Variants in NUB1 observed in about 807,000 individuals in gnomAD.
NUB1 encodes the protein NEDD8 ultimate buster 1.
In NUB1, 41 loss-of-function variants were observed where a neutral mutation model predicts 77.1. That is an observed-to-expected ratio of 0.53 (90% CI 0.41 to 0.69). NUB1 has a LOEUF of 0.69. NUB1 is among the 30% of genes least tolerant of loss of function. The pLI, the probability that NUB1 is intolerant of heterozygous loss-of-function variation, is 0.00. For synonymous variants in NUB1, 257 were observed against 281.0 expected (o/e 0.91, Z 0.85); for missense variants, 643 against 743.8 (o/e 0.86, Z 1.58).
At chr7:151,366,200 G>A (rs1321405527) in intron 8 of NUB1, among the ~76,000 whole-genome samples, 4 of 152,124 alleles carry the variant, frequency 2.6e-5, no homozygotes, top group Admixed American at 2.0e-4. Context: ...GCTGCGCCTG[G>A]GTTCAGCCTG....
intron 11 of NUB1, among the ~76,000 whole-genome samples, chr7:151,371,845 A>G (rs192334436): frequency 1.4e-4 from 21 of 152,232 alleles, no homozygotes; most frequent in African/African-American, 2.4e-4. Flanking sequence ...CCGGGCTCCA[A>G]TGATCCTCCT....
At chr7:151,348,553 T>TGTGATAAATGTTTTC (rs1796613207) in intron 2 of NUB1, among the ~76,000 whole-genome samples, 1 of 145,780 alleles carries the variant, frequency 6.9e-6, no homozygotes, top group Non-Finnish European at 1.5e-5. Flanking sequence ...TAAATGTTTT[T>TGTGATAAATGTTTTC]GTTTTTTGCT....
intron 13 of NUB1, 79 bp from the exon 14 acceptor site, chr7:151,376,555 G>A: frequency 7.4e-7 from 1 of 1,350,488 alleles, no homozygotes. Context: ...ATGAGAGTCG[G>A]CTGTCCACTC....
chr7:151,348,568 G>GTTTTTTT (rs1796616001), intron 2 of NUB1, among the ~76,000 whole-genome samples: 1 of 58,182 alleles, frequency 1.7e-5, no homozygotes, highest in Non-Finnish European at 3.6e-5. Context: ...TTTGCTTTTT[G>GTTTTTTT]CTTTTTTTTT....
chr7:151,351,230 C>G (rs963266263), intron 3 of NUB1, 194 bp from the exon 4 acceptor site: 6 of 565,168 alleles, frequency 1.1e-5, no homozygotes, highest in Admixed American at 6.7e-5. Context: ...CGCTGCCGCC[C>G]CCTTGAGGAC....
chr7:151,352,231 T>C, intron 4 of NUB1: 1 of 454,440 alleles, frequency 2.2e-6, no homozygotes, highest in Non-Finnish European at 4.4e-6. Flanking sequence ...AACTAGGGCT[T>C]CCTGTTCACA....
chr7:151,348,569 CT>C lies in NUB1; in HGVS notation c.118-480del, dbSNP rs59781719. Among the ~76,000 whole-genome samples, 491 of 69,906 alleles carry C rather than the reference CT, an allele frequency of 7.0e-3. 1 individual carries two copies. Among genetic ancestry groups the C allele is most frequent in the African/African-American group, 0.026 (442 of 16,886 alleles). The allele number at this position is 69,906 out of a possible 152,430, so 45.9% of individuals were successfully genotyped here. ...AAATGTTTTTGTTTTTTGCTTTTTG[CT>C]TTTTTTTTTTTTTTTTTTTTTTTGA... On this transcript the variant is annotated intron_variant, in intron 2 of 14. Transcript: ENST00000568733.
chr7:151,358,380 A>C (rs931834860), intron 7 of NUB1, among the ~76,000 whole-genome samples: 1 of 152,224 alleles, frequency 6.6e-6, no homozygotes, highest in Non-Finnish European at 1.5e-5. Context: ...CCCACCCCAC[A>C]GGCTGCAGAT....
At chr7:151,373,505 G>A (rs970315425) in intron 11 of NUB1, among the ~76,000 whole-genome samples, 1 of 152,180 alleles carries the variant, frequency 6.6e-6, no homozygotes, top group Non-Finnish European at 1.5e-5. Flanking sequence ...GAACCAAGAG[G>A]TTAGATGACC....
At chr7:151,357,081 A>G (rs1434193417) in intron 7 of NUB1, among the ~76,000 whole-genome samples, 1 of 151,824 alleles carries the variant, frequency 6.6e-6, no homozygotes, top group Non-Finnish European at 1.5e-5. Context: ...CAGTGGCACC[A>G]TCATAGCTCA....
intron 14 of NUB1, 79 bp from the exon 15 acceptor site, chr7:151,376,968 C>G: frequency 1.4e-6 from 2 of 1,424,744 alleles, no homozygotes; most frequent in Non-Finnish European, 1.9e-6. Context: ...GAGGCACAGT[C>G]TGAGGTTGAC....
At chr7:151,345,806 C>T (rs1356162553) in intron 2 of NUB1, among the ~76,000 whole-genome samples, 1 of 152,184 alleles carries the variant, frequency 6.6e-6, no homozygotes, top group East Asian at 1.9e-4. Context: ...TGTCTTGGCT[C>T]ATTCTCGGTC....
chr7:151,343,699 G>A (rs984907734), intron 1 of NUB1, among the ~76,000 whole-genome samples: 7 of 152,078 alleles, frequency 4.6e-5, no homozygotes, highest in Admixed American at 4.6e-4. Context: ...TACTTCTCTG[G>A]GAGAGAGAAG....
intron 2 of NUB1, among the ~76,000 whole-genome samples, chr7:151,347,633 T>C (rs1393170369): frequency 6.6e-6 from 1 of 152,136 alleles, no homozygotes; most frequent in Non-Finnish European, 1.5e-5. Context: ...AATATATTTT[T>C]AGTTTTTGTA....
At chr7:151,357,305 G>A (rs1797122332) in intron 7 of NUB1, among the ~76,000 whole-genome samples, 1 of 151,476 alleles carries the variant, frequency 6.6e-6, no homozygotes, top group South Asian at 2.1e-4. Context: ...TGTATTTTTA[G>A]TGGAGACAGG....
At chr7:151,375,306 G>T (rs972338429) in intron 12 of NUB1, among the ~76,000 whole-genome samples, 2 of 152,042 alleles carry the variant, frequency 1.3e-5, no homozygotes, top group African/African-American at 4.8e-5. Flanking sequence ...CTGAATATTC[G>T]AAGGGACTGA....
At chr7:151,364,161 G>T (rs10224319) in intron 8 of NUB1, among the ~76,000 whole-genome samples, 3 of 149,740 alleles carry the variant, frequency 2.0e-5, no homozygotes, top group Admixed American at 6.6e-5. Flanking sequence ...GGTGGCTCAC[G>T]CCTGTAATCC....
intron 8 of NUB1, among the ~76,000 whole-genome samples, chr7:151,366,378 A>AT (rs1283794200): frequency 8.6e-5 from 13 of 151,924 alleles, no homozygotes; most frequent in Non-Finnish European, 1.5e-4. Flanking sequence ...GTACGTAGGG[A>AT]TTTTTTTGGT....
chr7:151,368,673 A>G (rs1239238689), intron 10 of NUB1, 62 bp from the exon 11 acceptor site: 59 of 1,488,700 alleles, frequency 4.0e-5, no homozygotes, highest in Non-Finnish European at 5.1e-5. Flanking sequence ...TTAGGCTTTC[A>G]CTTTGTATTA....
Sources: gnomAD v4.1 joint callset for allele counts (sites outside exome capture counted in the v4.1 genomes callset) on GRCh38, gnomAD v4.1.1 for gene constraint, MANE v1.5 for transcripts, NCBI Gene and HGNC (gene_info 2026-07-23, HGNC 2026-07-21) for gene names.